NEGR1: variants seen among roughly 807,000 people sequenced by gnomAD.
NEGR1 encodes the protein neuronal growth regulator 1, also known as IgLON family member 4.
NEGR1 carries 10 observed loss-of-function variants against 40.9 expected under a neutral mutation model. The ratio of observed to expected loss-of-function variants is 0.24; its 90% CI spans 0.15 to 0.42. The LOEUF is 0.42. NEGR1 is among the 10% of genes least tolerant of loss of function. The pLI, the probability that NEGR1 is intolerant of heterozygous loss-of-function variation, is 1.00. For synonymous variants in NEGR1, 185 were observed against 166.8 expected (o/e 1.11, Z -0.84); for missense variants, 352 against 438.9 (o/e 0.80, Z 1.77).
At chr1:71,728,099 A>G (rs1346582512) in intron 3 of NEGR1, among the ~76,000 whole-genome samples, 2 of 152,298 alleles carry the variant, frequency 1.3e-5, no homozygotes, top group East Asian at 1.9e-4. Flanking sequence ...AACAAAAAAG[A>G]GCTTAGAAGA....
intron 1 of NEGR1, among the ~76,000 whole-genome samples, chr1:72,102,208 T>G (rs754864734): frequency 4.6e-5 from 7 of 152,086 alleles, no homozygotes; most frequent in Non-Finnish European, 1.0e-4. Flanking sequence ...AATGTTTTAT[T>G]TGTATGATGA....
At chr1:71,771,864 T>A (rs920734682) in intron 3 of NEGR1, among the ~76,000 whole-genome samples, 8 of 152,066 alleles carry the variant, frequency 5.3e-5, no homozygotes, top group Non-Finnish European at 8.8e-5. Flanking sequence ...ATCAGTTTGA[T>A]CATCAGAGTG....
At chr1:71,812,740 A>T (rs1570381202) in intron 2 of NEGR1, among the ~76,000 whole-genome samples, 1 of 151,268 alleles carries the variant, frequency 6.6e-6, no homozygotes, top group East Asian at 2.0e-4. Context: ...TTTTTAATGG[A>T]GTTGTGTTTT....
chr1:71,550,352 C>T (rs1003632073), intron 6 of NEGR1, among the ~76,000 whole-genome samples: 4 of 151,616 alleles, frequency 2.6e-5, no homozygotes, highest in Admixed American at 1.3e-4. Flanking sequence ...AGAGTACCTT[C>T]CCTTATTAGG....
At chr1:72,081,223 G>A (rs1647982900) in intron 1 of NEGR1, among the ~76,000 whole-genome samples, 1 of 152,012 alleles carries the variant, frequency 6.6e-6, no homozygotes, top group Admixed American at 6.6e-5. Flanking sequence ...ACATCCTAGA[G>A]AAATCAAATA....
intron 1 of NEGR1, among the ~76,000 whole-genome samples, chr1:72,135,439 A>G (rs1387784778): frequency 3.0e-5 from 3 of 101,256 alleles, no homozygotes; most frequent in African/African-American, 1.0e-4. Context: ...AAAAAAAAAA[A>G]GAAATAACTT....
At chr1:72,223,272 G>A (rs916375528) in intron 1 of NEGR1, among the ~76,000 whole-genome samples, 6 of 152,108 alleles carry the variant, frequency 3.9e-5, no homozygotes, top group African/African-American at 9.7e-5. Flanking sequence ...AAAATTTGGA[G>A]TAATTTGGTA....
intron 1 of NEGR1, among the ~76,000 whole-genome samples, chr1:72,125,948 C>A (rs1649998419): frequency 6.6e-6 from 1 of 152,152 alleles, no homozygotes; most frequent in Non-Finnish European, 1.5e-5. Flanking sequence ...ATTCTGGTGT[C>A]CCTCAGAGAC....
Position 72,056,962 on chromosome 1 carries a change from C to G in NEGR1, c.177-121651G>C, listed in dbSNP as rs536390952. Among the ~76,000 whole-genome samples the G allele has an allele frequency of 2.0e-5, 3 of 151,616 alleles. No individual in the cohort carries two copies. The East Asian group carries it at 5.9e-4, about 30-fold the overall frequency. ...GTTGGTCATGAGGTACAGTCTTTCCCAAACTTTCCTGCACTGATGCAAAGC... is the reference window on the plus strand; with the variant it reads ...GTTGGTCATGAGGTACAGTCTTTCCGAAACTTTCCTGCACTGATGCAAAGC... On this transcript the variant is annotated intron_variant, in intron 1 of 6. Coordinates refer to ENST00000357731, the MANE Select transcript of NEGR1 (RefSeq NM_173808.3).
At chr1:71,451,193 T>C (rs116372281) in intron 6 of NEGR1, among the ~76,000 whole-genome samples, 197 of 152,314 alleles carry the variant, frequency 1.3e-3, no homozygotes, top group Non-Finnish European at 1.9e-3. Context: ...AGCTTTAATA[T>C]CATCATGTCA....
chr1:71,510,721 T>TAAATTACCTGCTGTATCTGCTCC (rs1647067060), intron 6 of NEGR1, among the ~76,000 whole-genome samples: 1 of 152,174 alleles, frequency 6.6e-6, no homozygotes, highest in Non-Finnish European at 1.5e-5. Context: ...TTCTAGGAGA[T>TAAATTACCTGCTGTATCTGCTCC]AAATTACCTG....
intron 1 of NEGR1, among the ~76,000 whole-genome samples, chr1:72,074,743 T>C (rs1647647638): frequency 6.6e-6 from 1 of 152,142 alleles, no homozygotes; most frequent in Non-Finnish European, 1.5e-5. Flanking sequence ...TCATTCTATA[T>C]TTTCAAATAT....
chr1:71,925,488 C>T (rs1253479652), intron 2 of NEGR1, among the ~76,000 whole-genome samples: 1 of 152,180 alleles, frequency 6.6e-6, no homozygotes, highest in Non-Finnish European at 1.5e-5. Flanking sequence ...GCAAACTAAG[C>T]TTTGCCACCA....
intron 1 of NEGR1, among the ~76,000 whole-genome samples, chr1:72,058,008 C>A (rs1366718763): frequency 6.6e-6 from 1 of 151,448 alleles, no homozygotes. Flanking sequence ...CCCTGGCGCA[C>A]CCTCTGATTT....
chr1:71,946,783 T>C (rs1331995260), intron 1 of NEGR1, among the ~76,000 whole-genome samples: 1 of 152,014 alleles, frequency 6.6e-6, no homozygotes, highest in African/African-American at 2.4e-5. Flanking sequence ...TAATAGTATA[T>C]GATTGAACAA....
chr1:71,980,457 T>C (rs1266120322), intron 1 of NEGR1, among the ~76,000 whole-genome samples: 1 of 152,124 alleles, frequency 6.6e-6, no homozygotes, highest in African/African-American at 2.4e-5. Context: ...TATGCCACCA[T>C]TTATTTTCAT....
At chr1:72,006,030 G>A (rs2100391358) in intron 1 of NEGR1, among the ~76,000 whole-genome samples, 1 of 152,192 alleles carries the variant, frequency 6.6e-6, no homozygotes, top group East Asian at 1.9e-4. Context: ...ATTCATGATG[G>A]GCTACCAGAT....
chr1:72,184,967 T>C (rs1229023226), intron 1 of NEGR1, among the ~76,000 whole-genome samples: 1 of 151,928 alleles, frequency 6.6e-6, no homozygotes, highest in Non-Finnish European at 1.5e-5. Flanking sequence ...TTATTAATAG[T>C]TTAATTATCA....
chr1:71,590,086 C>T (rs565361460), intron 6 of NEGR1, among the ~76,000 whole-genome samples: 7 of 152,192 alleles, frequency 4.6e-5, no homozygotes, highest in South Asian at 2.1e-4. Context: ...CATCACCATT[C>T]CCACACCCAG....
Sources: allele counts gnomAD v4.1 joint callset (sites outside exome capture counted in the v4.1 genomes callset), GRCh38; gene constraint gnomAD v4.1.1; transcripts MANE v1.5; gene names NCBI Gene and HGNC (gene_info 2026-07-23, HGNC 2026-07-21).